Variants in TNFSF4 observed in about 807,000 individuals in gnomAD.
TNFSF4 encodes TNF superfamily member 4, also known as tumor necrosis factor ligand superfamily member 4.
In TNFSF4, 4 loss-of-function variants were observed where a neutral mutation model predicts 7.3. The observed-to-expected ratio is 0.55, with a 90% CI of 0.27 to 1.25. The LOEUF (loss-of-function observed/expected upper bound fraction) is 1.25. TNFSF4 is among the 50% of genes most tolerant of loss of function. The pLI, the probability that TNFSF4 is intolerant of heterozygous loss-of-function variation, is 0.12. For missense variants in TNFSF4, 181 were observed against 208.8 expected (o/e 0.87, Z 0.82); for synonymous variants, 76 against 83.7 (o/e 0.91, Z 0.50).
chr1:173,428,395 A>G, the TNFSF4 span, among the ~76,000 whole-genome samples: 1 of 152,210 alleles, frequency 6.6e-6, no homozygotes, highest in East Asian at 1.9e-4. Flanking sequence ...ATAAAAATCT[A>G]CAGGACAAAG....
chr1:173,280,789 G>A, the TNFSF4 span, among the ~76,000 whole-genome samples: 1 of 152,012 alleles, frequency 6.6e-6, no homozygotes, highest in African/African-American at 2.4e-5. Context: ...TCATTGACTG[G>A]TGTTTGGGGA....
the TNFSF4 span, among the ~76,000 whole-genome samples, chr1:173,311,989 C>T: frequency 6.6e-6 from 1 of 152,096 alleles, no homozygotes; most frequent in Non-Finnish European, 1.5e-5. Flanking sequence ...CCTCTTCTGG[C>T]ATGGAGCAAG....
At chr1:173,407,203 A>C in the TNFSF4 span, among the ~76,000 whole-genome samples, 1 of 151,896 alleles carries the variant, frequency 6.6e-6, no homozygotes, top group South Asian at 2.1e-4. Flanking sequence ...GATGAGGAGG[A>C]TATTAGCACA....
chr1:173,316,566 A>G, the TNFSF4 span, among the ~76,000 whole-genome samples: 1 of 152,118 alleles, frequency 6.6e-6, no homozygotes, highest in African/African-American at 2.4e-5. Flanking sequence ...AACATCTATC[A>G]AGGATTTATT....
At chr1:173,324,271 T>A in the TNFSF4 span, among the ~76,000 whole-genome samples, 23 of 152,118 alleles carry the variant, frequency 1.5e-4, 1 homozygote, top group Admixed American at 6.5e-4. Context: ...CCAAACTTCA[T>A]AAGTGAAGGA....
the TNFSF4 span, among the ~76,000 whole-genome samples, chr1:173,355,432 C>T: frequency 9.8e-5 from 15 of 152,292 alleles, no homozygotes; most frequent in Admixed American, 2.0e-4. Flanking sequence ...AGAGAGAAGA[C>T]GTACAACAAT....
chr1:173,294,497 T>G, the TNFSF4 span, among the ~76,000 whole-genome samples: 1 of 151,972 alleles, frequency 6.6e-6, no homozygotes, highest in African/African-American at 2.4e-5. Context: ...TCAAGTACTA[T>G]GCTCACTACC....
At chr1:173,209,871 T>C (rs1650316108), upstream of TNFSF4, among the ~76,000 whole-genome samples, 1 of 152,084 alleles carries the variant, frequency 6.6e-6, no homozygotes, top group African/African-American at 2.4e-5. Context: ...AGCCTTAAAA[T>C]AAAGCCACAG....
the TNFSF4 span, among the ~76,000 whole-genome samples, chr1:173,365,181 C>A: frequency 3.3e-5 from 5 of 151,420 alleles, no homozygotes; most frequent in African/African-American, 1.2e-4. Flanking sequence ...CTAACAAACA[C>A]AACAATGATA....
chr1:173,323,894 C>T, the TNFSF4 span, among the ~76,000 whole-genome samples: 1 of 152,166 alleles, frequency 6.6e-6, no homozygotes, highest in Non-Finnish European at 1.5e-5. Context: ...AATTGGTGTA[C>T]CTGAAAGTGA....
At chr1:173,235,024 A>G in the TNFSF4 span, among the ~76,000 whole-genome samples, 1 of 152,334 alleles carries the variant, frequency 6.6e-6, no homozygotes, top group South Asian at 2.1e-4. Context: ...CCAAAGACCT[A>G]TAATCAGGCA....
chr1:173,375,229 A>G, the TNFSF4 span, among the ~76,000 whole-genome samples: 2 of 152,198 alleles, frequency 1.3e-5, no homozygotes, highest in Non-Finnish European at 2.9e-5. Flanking sequence ...GGAACCCCAA[A>G]TGAGCTCAAC....
chr1:173,274,716 A>T, the TNFSF4 span, among the ~76,000 whole-genome samples: 1 of 152,294 alleles, frequency 6.6e-6, no homozygotes, highest in African/African-American at 2.4e-5. Flanking sequence ...AGCAATAGAA[A>T]ATTAATACAG....
the TNFSF4 span, among the ~76,000 whole-genome samples, chr1:173,381,009 T>C: frequency 1.2e-3 from 189 of 152,212 alleles, no homozygotes; most frequent in Middle Eastern, 3.4e-3. Flanking sequence ...TCAGTACCCC[T>C]CAAAGCTCAA....
At chr1:173,432,014 T>C in the TNFSF4 span, among the ~76,000 whole-genome samples, 3 of 152,074 alleles carry the variant, frequency 2.0e-5, no homozygotes, top group East Asian at 5.8e-4. Context: ...AAGAACTGGG[T>C]GAAGGAGGCC....
At chr1:173,433,933 A>G in the TNFSF4 span, among the ~76,000 whole-genome samples, 3 of 152,192 alleles carry the variant, frequency 2.0e-5, no homozygotes, top group African/African-American at 7.2e-5. Flanking sequence ...GTGTCCTTAT[A>G]AGGGGGAATT....
the TNFSF4 span, among the ~76,000 whole-genome samples, chr1:173,243,366 T>C: frequency 6.6e-6 from 1 of 152,132 alleles, no homozygotes; most frequent in African/African-American, 2.4e-5. Context: ...TTCCAGCCCC[T>C]TACCCTCCAC....
At chr1:173,416,022 G>A in the TNFSF4 span, among the ~76,000 whole-genome samples, 1 of 152,172 alleles carries the variant, frequency 6.6e-6, no homozygotes, top group African/African-American at 2.4e-5. Flanking sequence ...CAGGGAGTAG[G>A]TTGGGAGCCA....
At chr1:173,446,556 C>T in the TNFSF4 span, among the ~76,000 whole-genome samples, 1 of 152,044 alleles carries the variant, frequency 6.6e-6, no homozygotes, top group African/African-American at 2.4e-5. Context: ...GAGGGTGTTG[C>T]CAAAGAAGAT....
Sources: gnomAD v4.1 joint callset for allele counts (sites outside exome capture counted in the v4.1 genomes callset) on GRCh38, gnomAD v4.1.1 for gene constraint, MANE v1.5 for transcripts, NCBI Gene and HGNC (gene_info 2026-07-23, HGNC 2026-07-21) for gene names.